LRP1B: variants seen among roughly 807,000 people sequenced by gnomAD.
The protein encoded by LRP1B is low-density lipoprotein receptor-related protein 1B.
In LRP1B, 217 loss-of-function variants were observed where a neutral mutation model predicts 556.6. The ratio of observed to expected loss-of-function variants is 0.39; its 90% confidence interval spans 0.35 to 0.44. The LOEUF is 0.44. Ranked by LOEUF, LRP1B falls within the 20% of genes least tolerant of loss-of-function variation. The pLI is 1.00. For missense variants in LRP1B, 5,053 were observed against 5,620.8 expected (o/e 0.90, Z 3.23); for synonymous variants, 2,047 against 1,865.8 (o/e 1.10, Z -2.50).
chr2:140,317,032 T>C (rs537770208), intron 82 of LRP1B, among the ~76,000 whole-genome samples: 1 of 152,146 alleles, frequency 6.6e-6, no homozygotes, highest in Non-Finnish European at 1.5e-5. Context: ...GAATACCATC[T>C]AGGCAGACCT....
intron 31 of LRP1B, among the ~76,000 whole-genome samples, chr2:140,839,730 T>G (rs1692039262): frequency 6.6e-6 from 1 of 152,186 alleles, no homozygotes; most frequent in Admixed American, 6.5e-5. Flanking sequence ...TTGTGGGACT[T>G]CACCTTGTGA....
intron 2 of LRP1B, among the ~76,000 whole-genome samples, chr2:141,606,672 A>C (rs1004485636): frequency 1.3e-5 from 2 of 152,198 alleles, no homozygotes; most frequent in Non-Finnish European, 2.9e-5. Flanking sequence ...GTATGCAAAC[A>C]GGAAAAACCA....
At chr2:141,951,917 A>G (rs936420015) in intron 1 of LRP1B, among the ~76,000 whole-genome samples, 3 of 151,948 alleles carry the variant, frequency 2.0e-5, no homozygotes, top group African/African-American at 4.8e-5. Context: ...ATATGTATAC[A>G]TGTGCCATGT....
chr2:141,739,981 C>T (rs1488018281), intron 2 of LRP1B, among the ~76,000 whole-genome samples: 1 of 151,158 alleles, frequency 6.6e-6, no homozygotes, highest in African/African-American at 2.4e-5. Context: ...AAATGTACCA[C>T]AAATCAATGT....
chr2:140,376,668 C>A (rs1271841547), intron 68 of LRP1B, among the ~76,000 whole-genome samples: 1 of 151,880 alleles, frequency 6.6e-6, no homozygotes, highest in South Asian at 2.1e-4. Context: ...ACCTTTGCAT[C>A]CTTGAGACTT....
intron 2 of LRP1B, among the ~76,000 whole-genome samples, chr2:141,730,118 G>A (rs1276495292): frequency 6.6e-6 from 1 of 152,144 alleles, no homozygotes; most frequent in African/African-American, 2.4e-5. Flanking sequence ...GTCAATTTTT[G>A]TCAAACATCA....
chr2:140,835,053 G>A (rs1226171800), intron 31 of LRP1B, among the ~76,000 whole-genome samples: 1 of 152,068 alleles, frequency 6.6e-6, no homozygotes, highest in African/African-American at 2.4e-5. Flanking sequence ...TTTTCTCAAT[G>A]GTTTTGAAAT....
At chr2:140,833,691 T>G (rs1187383328) in intron 31 of LRP1B, among the ~76,000 whole-genome samples, 1 of 152,184 alleles carries the variant, frequency 6.6e-6, no homozygotes, top group Non-Finnish European at 1.5e-5. Flanking sequence ...GGTGACTTAC[T>G]GTATATACAT....
chr2:141,705,260 T>C (rs1692095379), intron 2 of LRP1B, among the ~76,000 whole-genome samples: 1 of 151,978 alleles, frequency 6.6e-6, no homozygotes, highest in Non-Finnish European at 1.5e-5. Flanking sequence ...TGCTATGTCA[T>C]TTTGAGCAAG....
chr2:141,845,443 A>C (rs758399491), intron 1 of LRP1B, among the ~76,000 whole-genome samples: 3 of 151,984 alleles, frequency 2.0e-5, no homozygotes, highest in Non-Finnish European at 4.4e-5. Flanking sequence ...AATTTTCCGC[A>C]AGATAATAGC....
At chr2:140,377,372 G>T (rs912621535) in intron 68 of LRP1B, among the ~76,000 whole-genome samples, 1 of 152,160 alleles carries the variant, frequency 6.6e-6, no homozygotes, top group Admixed American at 6.6e-5. Context: ...ACCATGCCCG[G>T]CTAGAGCTCT....
At chr2:142,129,409 G>A (rs566918749) in intron 1 of LRP1B, among the ~76,000 whole-genome samples, 269 of 152,298 alleles carry the variant, frequency 1.8e-3, no homozygotes, top group Middle Eastern at 6.8e-3. Flanking sequence ...CTAGAATCTG[G>A]CTGCCAACAG....
intron 41 of LRP1B, among the ~76,000 whole-genome samples, chr2:140,637,887 G>T (rs1188721479): frequency 2.0e-5 from 3 of 152,124 alleles, no homozygotes; most frequent in East Asian, 3.8e-4. Flanking sequence ...GGTTACAAAA[G>T]TCTTCTAAAA....
At chr2:140,426,011 C>A (rs114721526) in intron 66 of LRP1B, among the ~76,000 whole-genome samples, 2,186 of 152,180 alleles carry the variant, frequency 0.014, 54 homozygotes, top group African/African-American at 0.05. Flanking sequence ...TATAAAAATT[C>A]AAAATCAGTT....
intron 31 of LRP1B, among the ~76,000 whole-genome samples, chr2:140,835,819 G>GT (rs1455440697): frequency 6.6e-6 from 1 of 152,178 alleles, no homozygotes; most frequent in Non-Finnish European, 1.5e-5. Context: ...GATTACAGGC[G>GT]TGAACCACCG....
In LRP1B at chr2:140,850,112, A is replaced by G. The variant is rs924531909; in HGVS notation, c.4929T>C (p.Val1643=). 6.2e-7 allele frequency: 1 copy of G among 1,601,002 alleles called. No homozygotes were observed. Among genetic ancestry groups the G allele is most frequent in the African/African-American group, 1.3e-5 (1 of 74,740 alleles). ...AFINGTGLET[V]ISRDIQSIRG... ...GTACGAATCTTTTACCTCTTGAAAT[A>G]ACAGTTTCTAACCCAGTTCCGTTAA... The change falls in exon 29 of 91, where the codon GTT becomes GTC. Residue 1643 remains valine (V), a synonymous_variant. Transcript: ENST00000389484.
intron 3 of LRP1B, among the ~76,000 whole-genome samples, chr2:141,459,091 G>A (rs1681753153): frequency 1.5e-5 from 1 of 67,328 alleles, no homozygotes; most frequent in Non-Finnish European, 5.4e-5. Context: ...TAGACTTAGA[G>A]AGCTGAACAG....
chr2:140,589,610 GA>G (rs1343502147), intron 43 of LRP1B, among the ~76,000 whole-genome samples: 1 of 152,140 alleles, frequency 6.6e-6, no homozygotes. Context: ...TACTCAGCAG[GA>G]AAGAGAACAG....
intron 1 of LRP1B, among the ~76,000 whole-genome samples, chr2:142,116,545 T>C (rs980146671): frequency 2.4e-4 from 37 of 152,112 alleles, no homozygotes; most frequent in African/African-American, 8.4e-4. Context: ...TAGAAGGTCA[T>C]TAGTGGAAAA....
Sources: allele counts gnomAD v4.1 joint callset (sites outside exome capture counted in the v4.1 genomes callset), GRCh38; gene constraint gnomAD v4.1.1; transcripts MANE v1.5; gene names NCBI Gene and HGNC (gene_info 2026-07-23, HGNC 2026-07-21).